The following B3GALT1 variants were observed in gnomAD, a reference collection of about 807,000 sequenced individuals.
The protein encoded by B3GALT1 is beta-1,3-galactosyltransferase 1, also known as UDP-Gal:betaGlcNAc beta 1,3-galactosyltransferase, polypeptide 1.
Under a neutral mutation model 23.2 loss-of-function variants are expected in B3GALT1, and 10 were observed. That is an observed-to-expected ratio of 0.43 (90% confidence interval 0.27 to 0.73). B3GALT1 has a LOEUF of 0.73. Ranked by LOEUF, B3GALT1 falls within the 30% of genes least tolerant of loss-of-function variation. The pLI is 0.21. For synonymous variants in B3GALT1, 156 were observed against 141.5 expected (o/e 1.10, Z -0.73); for missense variants, 299 against 405.4 (o/e 0.74, Z 2.25).
intron 3 of B3GALT1, among the ~76,000 whole-genome samples, chr2:167,777,550 G>T (rs186015694): frequency 2.0e-5 from 3 of 152,086 alleles, no homozygotes; most frequent in East Asian, 3.9e-4. Flanking sequence ...GTTTCGCCTT[G>T]TTGGCCAGGC....
intron 3 of B3GALT1, among the ~76,000 whole-genome samples, chr2:167,668,541 C>A (rs543817335): frequency 1.7e-4 from 26 of 152,248 alleles, no homozygotes; most frequent in African/African-American, 6.3e-4. Context: ...GGGCACCCCT[C>A]CCCCAGCCTC....
chr2:167,725,877 A>G (rs772218753), intron 3 of B3GALT1, among the ~76,000 whole-genome samples: 1 of 152,190 alleles, frequency 6.6e-6, no homozygotes, highest in Non-Finnish European at 1.5e-5. Flanking sequence ...CAAACCAATT[A>G]AAGTGACAGT....
At chr2:167,856,937 T>A (rs1690010727) in intron 4 of B3GALT1, among the ~76,000 whole-genome samples, 1 of 152,110 alleles carries the variant, frequency 6.6e-6, no homozygotes, top group Non-Finnish European at 1.5e-5. Context: ...ACACAGAATA[T>A]AAAAGAGTCC....
chr2:167,443,146 G>T (rs1053097369), intron 1 of B3GALT1, among the ~76,000 whole-genome samples: 23 of 151,772 alleles, frequency 1.5e-4, no homozygotes, highest in African/African-American at 5.1e-4. Flanking sequence ...TTTCCCCATT[G>T]CTTGTTTTTC....
intron 2 of B3GALT1, among the ~76,000 whole-genome samples, chr2:167,566,539 C>A (rs1320025716): frequency 2.1e-5 from 3 of 142,010 alleles, no homozygotes; most frequent in African/African-American, 8.3e-5. Flanking sequence ...AAAATTAGCT[C>A]AAAATAAACT....
At chr2:167,387,930 G>A (rs1044402757) in intron 1 of B3GALT1, among the ~76,000 whole-genome samples, 3 of 152,106 alleles carry the variant, frequency 2.0e-5, no homozygotes, top group African/African-American at 7.2e-5. Flanking sequence ...TGAAAGGAAC[G>A]TATGTAACTT....
At chr2:167,695,240 A>G (rs1207168987) in intron 3 of B3GALT1, among the ~76,000 whole-genome samples, 1 of 152,140 alleles carries the variant, frequency 6.6e-6, no homozygotes, top group Non-Finnish European at 1.5e-5. Context: ...TTTGTATATC[A>G]GCACTCCTGA....
intron 2 of B3GALT1, among the ~76,000 whole-genome samples, chr2:167,630,616 A>G (rs1685423724): frequency 6.6e-6 from 1 of 151,298 alleles, no homozygotes; most frequent in African/African-American, 2.4e-5. Context: ...TGCAGTTTAC[A>G]TTGAAATTAT....
At chr2:167,436,987 T>C (rs1203272210) in intron 1 of B3GALT1, among the ~76,000 whole-genome samples, 3 of 152,096 alleles carry the variant, frequency 2.0e-5, no homozygotes, top group Non-Finnish European at 4.4e-5. Context: ...GGGAGCAATG[T>C]TAAAGTTCTT....
intron 3 of B3GALT1, among the ~76,000 whole-genome samples, chr2:167,707,771 A>G (rs979255994): frequency 2.6e-5 from 4 of 152,210 alleles, no homozygotes; most frequent in African/African-American, 9.6e-5. Context: ...ACGTCCACAG[A>G]TTCCAGGGAT....
At chr2:167,753,249 T>C (rs1357294203) in intron 3 of B3GALT1, among the ~76,000 whole-genome samples, 1 of 152,186 alleles carries the variant, frequency 6.6e-6, no homozygotes, top group Non-Finnish European at 1.5e-5. Context: ...CTCTCACACT[T>C]GTCCAGATTA....
chr2:167,380,765 G>C (rs1051875463), intron 1 of B3GALT1, among the ~76,000 whole-genome samples: 3 of 152,078 alleles, frequency 2.0e-5, no homozygotes, highest in Admixed American at 6.6e-5. Context: ...TCGGTCCTTG[G>C]GGAAAGATGA....
At chr2:167,516,964 A>G (rs1321255548) in intron 2 of B3GALT1, among the ~76,000 whole-genome samples, 1 of 97,096 alleles carries the variant, frequency 1.0e-5, no homozygotes, top group Non-Finnish European at 1.7e-5. Flanking sequence ...ATATATATAT[A>G]TATATATGAC....
intron 2 of B3GALT1, among the ~76,000 whole-genome samples, chr2:167,616,377 G>C (rs948927626): frequency 1.5e-4 from 23 of 152,098 alleles, no homozygotes; most frequent in Non-Finnish European, 2.6e-4. Flanking sequence ...GTATGCGTGC[G>C]TGCACATCTG....
At chr2:167,767,887 C>A (rs1330898972) in intron 3 of B3GALT1, among the ~76,000 whole-genome samples, 1 of 152,112 alleles carries the variant, frequency 6.6e-6, no homozygotes, top group Non-Finnish European at 1.5e-5. Context: ...CTGCTGTTTG[C>A]AAGCTGCAGA....
intron 3 of B3GALT1, among the ~76,000 whole-genome samples, chr2:167,718,746 A>C (rs1430302074): frequency 7.4e-6 from 1 of 135,742 alleles, no homozygotes; most frequent in East Asian, 2.0e-4. Context: ...CAACTGGGTC[A>C]GGGGAGATTT....
At chr2:167,617,936 A>G (rs1157098563) in intron 2 of B3GALT1, among the ~76,000 whole-genome samples, 1 of 151,970 alleles carries the variant, frequency 6.6e-6, no homozygotes, top group Non-Finnish European at 1.5e-5. Context: ...CTCTTCATTT[A>G]TTGTTTTGTC....
chr2:167,755,691 G>T (rs1036290969), intron 3 of B3GALT1, among the ~76,000 whole-genome samples: 2 of 151,924 alleles, frequency 1.3e-5, no homozygotes, highest in Non-Finnish European at 2.9e-5. Context: ...CCATTGGCTG[G>T]GTGCAGTGGC....
intron 1 of B3GALT1, among the ~76,000 whole-genome samples, chr2:167,328,719 A>G (rs182642520): frequency 6.6e-6 from 1 of 151,812 alleles, no homozygotes; most frequent in Admixed American, 6.6e-5. Context: ...TCTGATCTTC[A>G]TTATTTATTT....
Sources: gnomAD v4.1 joint callset for allele counts (sites outside exome capture counted in the v4.1 genomes callset) on GRCh38, gnomAD v4.1.1 for gene constraint, MANE v1.5 for transcripts, NCBI Gene and HGNC (gene_info 2026-07-23, HGNC 2026-07-21) for gene names.